Variants in WDR54 observed in about 807,000 individuals in gnomAD.
The protein encoded by WDR54 is WD repeat domain 54, also known as WD repeat-containing protein 54.
In WDR54, 44 loss-of-function variants were observed where a neutral mutation model predicts 44.1. The ratio of observed to expected loss-of-function variants is 1.00; its 90% confidence interval spans 0.78 to 1.28. The LOEUF is 1.28. Ranked by LOEUF, WDR54 falls within the 50% of genes most tolerant of loss-of-function variation. The pLI, the probability that WDR54 is intolerant of heterozygous loss-of-function variation, is 0.00. For missense variants in WDR54, 409 were observed against 429.7 expected (o/e 0.95, Z 0.43); for synonymous variants, 169 against 169.8 (o/e 1.00, Z 0.04).
chr2:74,425,419 ACT>A lies in WDR54; in HGVS notation c.806_807del (p.Ser269CysfsTer3). On this transcript the variant is annotated frameshift_variant, in exon 9 of 10. Coordinates refer to ENST00000348227, the MANE Select transcript of WDR54 (RefSeq NM_032118.4). LOFTEE classifies it high-confidence loss of function. ...LDLASEVGKLLSAGEDTFVHI... is the reference protein window; with the variant it reads ...LDLASEVGKLXSAGEDTFVHI... ...CTCCCCCTCTTCCTCCTCCACAGCT[ACT>A]CTCTGCAGGTGAGGACACCTTTGTG... 1.2e-6 allele frequency: 2 copies of A among 1,613,744 alleles called. No individual in the cohort carries two copies. Among genetic ancestry groups the A allele is most frequent in the Non-Finnish European group, 1.7e-6 (2 of 1,179,912 alleles).
At position 74,422,945 on chromosome 2, in the gene WDR54, C is replaced by G; in HGVS notation, c.285+13C>G. 6.2e-7 allele frequency: 1 copy of G among 1,614,026 alleles called. No individual in the cohort carries two copies. Among genetic ancestry groups the G allele is most frequent in the Non-Finnish European group, 8.5e-7 (1 of 1,179,876 alleles). The stretch of plus-strand genomic sequence containing the variant: ...TCGAGGAATACAGGTAAGAAGAGGA[C>G]TCTCCTGCTTGCCCCACCAGAGCCT... On this transcript the variant is annotated intron_variant, in intron 3 of 9. Coordinates refer to ENST00000348227, the MANE Select transcript of WDR54 (RefSeq NM_032118.4).
In WDR54 at chr2:74,422,482, G is replaced by T. The variant is rs80096577; in HGVS notation, c.222+107G>T. 7.7e-4 allele frequency: 1,004 copies of T among 1,306,724 alleles called. 9 individuals are homozygous for T. The African/African-American group carries it at 0.01, about 13-fold the overall frequency. 80.9% of individuals were successfully genotyped at this position (1,306,724 alleles called of 1,614,324 possible). Reference sequence around the variant, plus strand: ...TGTCCTAACCTCAGAATCTCCCCAGGCATGTCCTAACCTCAGAATCTCCCC... The same window carrying T: ...TGTCCTAACCTCAGAATCTCCCCAGTCATGTCCTAACCTCAGAATCTCCCC... On this transcript the variant is annotated intron_variant, in intron 2 of 9. Coordinates refer to ENST00000348227, the MANE Select transcript of WDR54 (RefSeq NM_032118.4).
chr2:74,424,823 C>T lies in WDR54; in HGVS notation c.535-52C>T. ...CTCCCTTCCCCTCCTGCCCTGTATACAGGACCATAGCAGGGGAGAAAGGGA... is the reference window on the plus strand; with the variant it reads ...CTCCCTTCCCCTCCTGCCCTGTATATAGGACCATAGCAGGGGAGAAAGGGA... On this transcript the variant is annotated intron_variant, in intron 6 of 9. Transcript: ENST00000348227. 3.1e-6 allele frequency: 5 copies of T among 1,603,912 alleles called. No individual in the cohort carries two copies. The South Asian group carries it at 4.4e-5, about 14-fold the overall frequency.
In WDR54 at chr2:74,425,239, T is replaced by A. The variant is rs768038313; in HGVS notation, c.798+2T>A. 2 of 1,531,358 alleles carry A rather than the reference T, an allele frequency of 1.3e-6. No homozygotes were observed. Among genetic ancestry groups the A allele is most frequent in the Non-Finnish European group, 1.8e-6 (2 of 1,138,814 alleles). The allele number at this position is 1,531,358 out of a possible 1,614,324, so 94.9% of individuals were successfully genotyped here. A position where few individuals can be genotyped will look rare whatever the true frequency, so the allele number is the denominator to read the frequency against. ...GACCTGGCTTCTGAGGTGGGCAAGG[T>A]AAGTCTCCTCCTCTGTACCTACATA... On this transcript the variant is annotated splice_donor_variant, in intron 8 of 9. Coordinates refer to ENST00000348227, the MANE Select transcript of WDR54 (RefSeq NM_032118.4). LOFTEE classifies it high-confidence loss of function.
Position 74,423,877 on chromosome 2 carries a change from G to A in WDR54, c.429G>A (p.Leu143=). The part of the protein sequence containing the change: ...ICVGTWSGRV[L]VFDIPAKGPN... The stretch of plus-strand genomic sequence containing the variant: ...CAGGAACGTGGTCAGGCCGGGTGCT[G>A]GTGTTTGACATCCCAGCAAAGGGTC... Residue 143 remains leucine, a synonymous_variant, in exon 6 of 10, where the codon CTG becomes CTA. Transcript: ENST00000348227. 6.2e-7 allele frequency: 1 copy of A among 1,614,144 alleles called. No individual in the cohort carries two copies. Among genetic ancestry groups the A allele is most frequent in the Non-Finnish European group, 8.5e-7 (1 of 1,180,010 alleles).
chr2:74,422,650 G>C, intron 2 of WDR54: 1 of 609,026 alleles, frequency 1.6e-6, no homozygotes, highest in Admixed American at 3.0e-5. Flanking sequence ...AAAATTAACC[G>C]GGTGTGGTGG....
intron 2 of WDR54, chr2:74,422,587 C>T (rs1670166490): frequency 3.1e-6 from 2 of 640,108 alleles, no homozygotes; most frequent in Non-Finnish European, 5.3e-6. Flanking sequence ...GCCAGGAGTT[C>T]GAGACCAGCC....
chr2:74,425,398 C>T lies in WDR54; in HGVS notation c.799-19C>T. The stretch of plus-strand genomic sequence containing the variant: ...TGTCCCGTCAGGGCATTCTGACTCC[C>T]CCTCTTCCTCCTCCACAGCTACTCT... On this transcript the variant is annotated intron_variant, in intron 8 of 9. Coordinates refer to ENST00000348227, the MANE Select transcript of WDR54 (RefSeq NM_032118.4). 1 of 1,613,952 alleles carries T rather than the reference C, an allele frequency of 6.2e-7. No individual in the cohort carries two copies. The highest frequency in any genetic ancestry group is 1.1e-5 in the South Asian group (1 of 91,066).
chr2:74,423,613 T>C, intron 5 of WDR54, 82 bp downstream of exon 5: 4 of 1,563,326 alleles, frequency 2.6e-6, no homozygotes, highest in South Asian at 2.3e-5. Context: ...CCTGAGGAAA[T>C]TGTGGAAAGT....
At chr2:74,423,051 A>G in intron 3 of WDR54, 119 bp downstream of exon 3, 1 of 1,067,692 alleles carries the variant, frequency 9.4e-7, no homozygotes, top group Non-Finnish European at 1.4e-6. Context: ...TGGCCCACTC[A>G]CTCTTTTTCT....
In WDR54 at chr2:74,423,973, C is replaced by T. The variant is rs755584289; in HGVS notation, c.525C>T (p.Ala175=). Reference sequence around the variant, plus strand: ...TCACAGACATTGCCACCGAGCCTGCCCAGGGACAGGTGAGTGGACTTCCCC... The same window carrying T: ...TCACAGACATTGCCACCGAGCCTGCTCAGGGACAGGTGAGTGGACTTCCCC... ...MPITDIATEP[A]QGQDCVADMV... is the part of the protein sequence containing the mutation. Residue 175 remains alanine (A), a synonymous_variant, in exon 6 of 10, where the codon GCC becomes GCT. Transcript: ENST00000348227. 12 of 1,613,928 alleles carry T rather than the reference C, an allele frequency of 7.4e-6. No homozygotes were observed. Among genetic ancestry groups the T allele is most frequent in the Admixed American group, 1.7e-5 (1 of 59,976 alleles).
chr2:74,424,126 G>A (rs1250084075), intron 6 of WDR54, 144 bp downstream of exon 6: 3 of 945,342 alleles, frequency 3.2e-6, no homozygotes, highest in South Asian at 3.4e-5. Flanking sequence ...ACCAGGTTCA[G>A]TGATAAAGCC....
chr2:74,424,115 AACCAGGT>A, intron 6 of WDR54, 133 bp downstream of exon 6: 1 of 1,093,572 alleles, frequency 9.1e-7, no homozygotes, highest in Non-Finnish European at 1.3e-6. Context: ...AGTCTTCAGC[AACCAGGT>A]TCAGTGATAA....
chr2:74,425,560 G>A lies in WDR54; in HGVS notation c.874-10G>A, dbSNP rs1462202528. On this transcript the variant is annotated splice_polypyrimidine_tract_variant and intron_variant, in intron 9 of 9. Transcript: ENST00000348227. ...GGCAGCAGGCCCTGACGAGCCCTCT[G>A]CTCCCCCAGGTGGAACACTGTCATG... The A allele has an allele frequency of 1.2e-6, 2 of 1,614,228 alleles. No homozygotes were observed. The highest frequency in any genetic ancestry group is 1.7e-5 in the Admixed American group (1 of 60,028).
rs750308090 is a variant in WDR54, at chr2:74,425,238, G to GT, written c.798+2dup. On this transcript the variant is annotated splice_donor_variant, in intron 8 of 9. Transcript: ENST00000348227. LOFTEE classifies it high-confidence loss of function. ...GGACCTGGCTTCTGAGGTGGGCAAGGTAAGTCTCCTCCTCTGTACCTACAT... is the reference window on the plus strand; with the variant it reads ...GGACCTGGCTTCTGAGGTGGGCAAGGTTAAGTCTCCTCCTCTGTACCTACAT... 6.5e-7 allele frequency: 1 copy of GT among 1,531,708 alleles called. No homozygotes were observed. Among genetic ancestry groups the GT allele is most frequent in the South Asian group, 1.3e-5 (1 of 77,412 alleles). The allele number at this position is 1,531,708 out of a possible 1,614,324, so 94.9% of individuals were successfully genotyped here.
Position 74,422,168 on chromosome 2 carries a change from G to A in WDR54, c.15G>A (p.Glu5=), listed in dbSNP as rs149120252. Residue 5 remains glutamate, a synonymous_variant, in exon 2 of 10, where the codon GAG becomes GAA. Transcript: ENST00000348227. MFRW[E]RSIPLRGSAA... is the part of the protein sequence containing the mutation. ...CCCCACACAGGATGTTCCGCTGGGA[G>A]CGCTCCATTCCCCTGCGAGGCTCGG... is the stretch of plus-strand genomic sequence containing the variant. 6.6e-5 allele frequency: 107 copies of A among 1,612,774 alleles called. No homozygotes were observed. The highest frequency in any genetic ancestry group is 6.6e-4 in the South Asian group (60 of 91,020).
chr2:74,424,013 C>G, intron 6 of WDR54, 31 bp downstream of exon 6: 1 of 1,612,648 alleles, frequency 6.2e-7, no homozygotes. Context: ...CATCTGGGAG[C>G]CTTCCCCACC....
chr2:74,425,216 C>T lies in WDR54; in HGVS notation c.777C>T (p.Asp259=), dbSNP rs746913737. ...NAHARAICAL[D]LASEVGKLLS... is the part of the protein sequence containing the mutation. ...ATGCCCGGGCCATCTGCGCCCTGGA[C>T]CTGGCTTCTGAGGTGGGCAAGGTAA... is the stretch of plus-strand genomic sequence containing the variant. Residue 259 remains aspartate, a synonymous_variant, in exon 8 of 10, where the codon GAC becomes GAT. Transcript: ENST00000348227. 6.5e-7 allele frequency: 1 copy of T among 1,532,346 alleles called. No homozygotes were observed. The allele number at this position is 1,532,346 out of a possible 1,614,324, so 94.9% of individuals were successfully genotyped here.
intron 3 of WDR54, 53 bp from the exon 4 acceptor site, chr2:74,423,266 C>G (rs1051187891): frequency 7.0e-5 from 112 of 1,590,052 alleles, no homozygotes; most frequent in Non-Finnish European, 8.7e-5. Flanking sequence ...ATGTGAAGTA[C>G]TCAGCAGAGG....
Sources: allele counts gnomAD v4.1 joint callset, GRCh38; gene constraint gnomAD v4.1.1; transcripts MANE v1.5; gene names NCBI Gene and HGNC (gene_info 2026-07-23, HGNC 2026-07-21).